Variants in NRG1 observed in about 807,000 individuals in gnomAD.
NRG1 encodes the protein neuregulin 1.
Under a neutral mutation model 63.8 loss-of-function variants are expected in NRG1, and 18 were observed. The ratio of observed to expected loss-of-function variants is 0.28; its 90% CI spans 0.19 to 0.42. The LOEUF (loss-of-function observed/expected upper bound fraction) is 0.42, where lower values mean the gene tolerates loss of function less well. Ranked by LOEUF, NRG1 falls within the 10% of genes least tolerant of loss-of-function variation. NRG1 has a pLI of 1.00. For missense variants in NRG1, 762 were observed against 814.7 expected (o/e 0.94, Z 0.79); for synonymous variants, 302 against 301.3 (o/e 1.00, Z -0.02).
At chr8:31,683,415 T>C (rs901252244) in intron 1 of NRG1, among the ~76,000 whole-genome samples, 1 of 152,116 alleles carries the variant, frequency 6.6e-6, no homozygotes, top group African/African-American at 2.4e-5. Flanking sequence ...CAAAAGAATC[T>C]TAAGTGCATA....
At position 32,742,722 on chromosome 8, in the gene NRG1, C is replaced by T; in HGVS notation, c.680C>T (p.Ala227Val). ...GATCGCTGCCAAAACTACGTAATGG[C>T]CAGCTTCTACAGTACGTCCACTCCC... Residue 227 changes from alanine to valine, a missense_variant, in exon 7 of 12, where the codon GCC (alanine) becomes GTC (valine). By Grantham distance (64) the Ala-to-Val change is moderately conservative (BLOSUM62 0). This residue lies in a region of NRG1 where 122 missense variants were observed against 190.1 expected (regional missense o/e 0.64). Transcript: ENST00000356819. This position sits in a 1 kb window ranked among gnomAD's most constrained non-coding sequence, Gnocchi z 4.2. The T allele has an allele frequency of 6.2e-7, 1 of 1,613,718 alleles. No individual in the cohort carries two copies. The highest frequency in any genetic ancestry group is 8.5e-7 in the Non-Finnish European group (1 of 1,179,740).
At chr8:31,834,301 A>ATGCGTG (rs376775050) in intron 1 of NRG1, among the ~76,000 whole-genome samples, 58,306 of 144,962 alleles carry the variant, frequency 0.4, 12,008 homozygotes, top group African/African-American at 0.49. Flanking sequence ...GTGTGCGCGC[A>ATGCGTG]CGCGCGCACA....
At chr8:32,073,265 A>C (rs1246056856) in intron 1 of NRG1, among the ~76,000 whole-genome samples, 1 of 152,196 alleles carries the variant, frequency 6.6e-6, no homozygotes, top group East Asian at 1.9e-4. Context: ...TTGGTCCTGT[A>C]ATTTTTCTGC....
chr8:31,911,840 C>T (rs1832969552), intron 1 of NRG1, among the ~76,000 whole-genome samples: 1 of 152,124 alleles, frequency 6.6e-6, no homozygotes, highest in African/African-American at 2.4e-5. Context: ...TCTGTGGAAT[C>T]TCTTGATTTG....
At chr8:32,132,170 A>G (rs143704003) in intron 1 of NRG1, among the ~76,000 whole-genome samples, 1,548 of 152,150 alleles carry the variant, frequency 0.01, 12 homozygotes, top group Middle Eastern at 0.024. Context: ...TGGGAGGCTT[A>G]TTAGGAATTG....
intron 1 of NRG1, among the ~76,000 whole-genome samples, chr8:32,296,103 C>T (rs918124428): frequency 5.3e-5 from 8 of 152,154 alleles, no homozygotes; most frequent in African/African-American, 9.6e-5. Flanking sequence ...AGATTACCAG[C>T]GCATTAAGGA....
chr8:32,683,118 T>C (rs1809134419), intron 5 of NRG1, among the ~76,000 whole-genome samples: 2 of 152,242 alleles, frequency 1.3e-5, no homozygotes, highest in African/African-American at 4.8e-5. Flanking sequence ...GGATCAGCTT[T>C]ATAAAGAAAC....
intron 1 of NRG1, among the ~76,000 whole-genome samples, chr8:32,035,172 C>T (rs1818845469): frequency 6.6e-6 from 1 of 152,092 alleles, no homozygotes; most frequent in African/African-American, 2.4e-5. Context: ...TTTCAAAGAA[C>T]TTCTTGATTT....
chr8:31,679,786 G>A (rs1398246573), intron 1 of NRG1, among the ~76,000 whole-genome samples: 1 of 152,058 alleles, frequency 6.6e-6, no homozygotes, highest in African/African-American at 2.4e-5. Flanking sequence ...TAGTCTTAGA[G>A]GATATTTTGT....
chr8:31,795,254 C>T (rs1308338999), intron 1 of NRG1, among the ~76,000 whole-genome samples: 1 of 152,148 alleles, frequency 6.6e-6, no homozygotes, highest in Non-Finnish European at 1.5e-5. Flanking sequence ...TCTAAAGTGA[C>T]AGGCGTGTCC....
chr8:32,216,502 T>C (rs1478769463), intron 1 of NRG1, among the ~76,000 whole-genome samples: 2 of 149,440 alleles, frequency 1.3e-5, no homozygotes, highest in African/African-American at 4.9e-5. Flanking sequence ...TCTGTTTCTC[T>C]TGACAACCTT....
intron 1 of NRG1, among the ~76,000 whole-genome samples, chr8:31,744,452 A>G (rs1268790598): frequency 1.3e-5 from 2 of 151,966 alleles, no homozygotes; most frequent in African/African-American, 4.8e-5. Context: ...CTGTATTTTC[A>G]CTGGTACATT....
Position 32,046,583 on chromosome 8 carries a change from G to A in NRG1, c.37+407152G>A, listed in dbSNP as rs560362082. 3.2e-4 allele frequency among the ~76,000 whole-genome samples: 48 copies of A among 152,180 alleles called. 1 individual carries two copies. In the South Asian group the frequency reaches 5.4e-3, roughly 17 times the overall value. On this transcript the variant is annotated intron_variant, in intron 1 of 10. Transcript: ENST00000519301. ...CAGGTGAATAGAAAAACAAACTGTG[G>A]TATCTGACTACTTCTTGTCAATTAA... is the stretch of plus-strand genomic sequence containing the variant.
intron 1 of NRG1, among the ~76,000 whole-genome samples, chr8:32,276,545 C>T (rs1586570786): frequency 1.3e-5 from 2 of 152,088 alleles, no homozygotes; most frequent in Non-Finnish European, 1.5e-5. Context: ...TCATTCTGTC[C>T]CCCAGGCTGG....
At chr8:32,315,073 T>G (rs1857230940) in intron 1 of NRG1, among the ~76,000 whole-genome samples, 1 of 152,166 alleles carries the variant, frequency 6.6e-6, no homozygotes, top group Non-Finnish European at 1.5e-5. Context: ...CCCACCCAAC[T>G]TTTTCTTTTT....
intron 1 of NRG1, among the ~76,000 whole-genome samples, chr8:32,454,549 G>A (rs957235818): frequency 7.0e-6 from 1 of 143,114 alleles, no homozygotes; most frequent in African/African-American, 2.6e-5. Flanking sequence ...ATCTTAATCT[G>A]TGCCCAGTCC....
intron 1 of NRG1, among the ~76,000 whole-genome samples, chr8:32,563,264 TAGAA>T (rs1836800079): frequency 1.3e-5 from 2 of 152,238 alleles, no homozygotes; most frequent in Non-Finnish European, 2.9e-5. Flanking sequence ...ACTATGTTTT[TAGAA>T]AGCCTAAGGT....
At chr8:32,195,829 A>T (rs1196093684) in intron 1 of NRG1, among the ~76,000 whole-genome samples, 1 of 152,160 alleles carries the variant, frequency 6.6e-6, no homozygotes, top group African/African-American at 2.4e-5. Flanking sequence ...TTTAAGAAAG[A>T]TATTCCCTTC....
At chr8:32,249,505 A>G (rs1848890297) in intron 1 of NRG1, among the ~76,000 whole-genome samples, 1 of 152,164 alleles carries the variant, frequency 6.6e-6, no homozygotes, top group Non-Finnish European at 1.5e-5. Context: ...GTAGCAAACC[A>G]AATTCTCTGT....
Sources: allele counts gnomAD v4.1 joint callset (sites outside exome capture counted in the v4.1 genomes callset), GRCh38; gene constraint gnomAD v4.1.1; regional missense constraint gnomAD v4.1.1; non-coding constraint Gnocchi (gnomAD v3.1); transcripts MANE v1.5; gene names NCBI Gene and HGNC (gene_info 2026-07-23, HGNC 2026-07-21).